Variants in E2F2 observed in about 807,000 individuals in gnomAD.
The protein encoded by E2F2 is E2F transcription factor 2.
E2F2 carries 22 observed loss-of-function variants against 42.2 expected under a neutral mutation model. That is an observed-to-expected ratio of 0.52 (90% CI 0.37 to 0.74). The LOEUF (loss-of-function observed/expected upper bound fraction) is 0.74. Ranked by LOEUF, E2F2 falls within the 30% of genes least tolerant of loss-of-function variation. The pLI is 0.00. For missense variants in E2F2, 481 were observed against 557.8 expected (o/e 0.86, Z 1.39); for synonymous variants, 248 against 251.6 (o/e 0.99, Z 0.13).
Position 23,521,574 on chromosome 1 carries a change from C to T in E2F2, c.578+263G>A, listed in dbSNP as rs1643148290. 3.0e-6 allele frequency: 3 copies of T among 985,218 alleles called. No individual in the cohort carries two copies. The Admixed American group carries it at 1.8e-4, about 61-fold the overall frequency. 61.0% of individuals were successfully genotyped at this position (985,218 alleles called of 1,614,324 possible). ...GAGGTTCCCTTTGGCCTTTACACCT[C>T]CCAGATGTCATTCTCCACTCTGCCC... On this transcript the variant is annotated intron_variant, in intron 3 of 6. Transcript: ENST00000361729.
rs147082429 is a variant in E2F2, at chr1:23,520,645, C to T, written c.737+268G>A. Among the ~76,000 whole-genome samples, 558 of 151,938 alleles carry T rather than the reference C, an allele frequency of 3.7e-3. 2 individuals are homozygous for T. The highest frequency in any genetic ancestry group is 0.012 in the African/African-American group (508 of 41,410). On this transcript the variant is annotated intron_variant, in intron 4 of 6. Transcript: ENST00000361729. ...GTAGTTCCAGCTATTCAGGAGGCTG[C>T]GGTGGGAGGATCACTTGAACCCAGG... is the stretch of plus-strand genomic sequence containing the variant.
At chr1:23,521,159 C>T (rs994735544) in intron 3 of E2F2, 88 bp from the exon 4 acceptor site, 4 of 1,384,574 alleles carry the variant, frequency 2.9e-6, no homozygotes, top group Non-Finnish European at 3.8e-6. Flanking sequence ...GGGTGCTTCC[C>T]TGGGTTGTGG....
At chr1:23,518,162 C>T (rs1176933947) in intron 5 of E2F2, among the ~76,000 whole-genome samples, 2 of 150,722 alleles carry the variant, frequency 1.3e-5, no homozygotes, top group Admixed American at 1.3e-4. Context: ...CAGAGCAAGA[C>T]GCTGTCTTAA....
downstream of E2F2, chr1:23,506,391 T>C (rs1176521403): frequency 2.0e-5 from 3 of 152,330 alleles, no homozygotes; most frequent in Non-Finnish European, 4.4e-5. Context: ...AGATCCACAG[T>C]TGGTAATGAG....
downstream of E2F2, among the ~76,000 whole-genome samples, chr1:23,505,411 C>G (rs1400012882): frequency 6.6e-6 from 1 of 152,324 alleles, no homozygotes; most frequent in African/African-American, 2.4e-5. Flanking sequence ...AGAAGGCATG[C>G]ATTCTCAAAC....
chr1:23,523,146 C>G (rs1028764674), intron 2 of E2F2, among the ~76,000 whole-genome samples: 1 of 145,050 alleles, frequency 6.9e-6, no homozygotes, highest in Non-Finnish European at 1.5e-5. Context: ...AACTCCTGCT[C>G]TAACCAGGAT....
intron 2 of E2F2, 132 bp from the exon 3 acceptor site, chr1:23,522,188 G>C: frequency 1.3e-6 from 1 of 782,086 alleles, no homozygotes; most frequent in Non-Finnish European, 2.0e-6. Flanking sequence ...GTGTGAGCCA[G>C]GGCATCCATC....
intron 5 of E2F2, among the ~76,000 whole-genome samples, chr1:23,517,856 C>G (rs949137738): frequency 6.6e-6 from 1 of 152,040 alleles, no homozygotes; most frequent in Admixed American, 6.6e-5. Context: ...CATTTCAGCT[C>G]GAGGGGAAGA....
chr1:23,514,660 T>A (rs1235712366), intron 6 of E2F2, among the ~76,000 whole-genome samples: 2 of 121,526 alleles, frequency 1.6e-5, no homozygotes, highest in Non-Finnish European at 3.4e-5. Context: ...AAACCCTGTC[T>A]CTACTAAAAA....
At chr1:23,525,144 GACA>G (rs1643228595) in intron 1 of E2F2, among the ~76,000 whole-genome samples, 2 of 152,178 alleles carry the variant, frequency 1.3e-5, no homozygotes, top group Admixed American at 6.5e-5. Flanking sequence ...GAGAGGGGCA[GACA>G]ATGAATCCTT....
At chr1:23,524,109 A>C (rs1269224235) in intron 2 of E2F2, among the ~76,000 whole-genome samples, 4 of 151,560 alleles carry the variant, frequency 2.6e-5, no homozygotes, top group South Asian at 2.1e-4. Flanking sequence ...AACAACAAAA[A>C]AAAACACAGA....
In E2F2 at chr1:23,506,856, G is replaced by A. The variant is rs1205997495; in HGVS notation, c.*3024C>T. On this transcript the variant is annotated 3_prime_UTR_variant, in exon 7 of 7. Transcript: ENST00000361729. The stretch of plus-strand genomic sequence containing the variant: ...TGCAGAATGGAGGTTGAGAACACTT[G>A]GGGAGGGAGAACAAAGTCAGAACCA... 1 of 152,296 alleles carries A rather than the reference G, an allele frequency of 6.6e-6. No homozygotes were observed. Among genetic ancestry groups the A allele is most frequent in the East Asian group, 1.9e-4 (1 of 5,208 alleles). 9.4% of individuals were successfully genotyped at this position (152,296 alleles called of 1,614,324 possible).
chr1:23,515,805 G>A (rs2148694448), intron 6 of E2F2, among the ~76,000 whole-genome samples: 1 of 152,298 alleles, frequency 6.6e-6, no homozygotes, highest in Middle Eastern at 3.4e-3. Flanking sequence ...TGGCTCAAGT[G>A]TTCCTCCCAC....
At chr1:23,518,965 C>G in intron 5 of E2F2, 51 bp downstream of exon 5, 1 of 1,497,040 alleles carries the variant, frequency 6.7e-7, no homozygotes, top group Non-Finnish European at 9.3e-7. Flanking sequence ...GCCTGGAACG[C>G]TCCCTGGCAG....
At chr1:23,521,502 G>C (rs1475894428) in intron 3 of E2F2, 10 of 978,902 alleles carry the variant, frequency 1.0e-5, no homozygotes, top group South Asian at 4.7e-5. Context: ...ACTGCCCTAA[G>C]CTAGAAGAAG....
At chr1:23,525,921 G>C (rs940880070) in intron 1 of E2F2, among the ~76,000 whole-genome samples, 1 of 152,150 alleles carries the variant, frequency 6.6e-6, no homozygotes, top group Admixed American at 6.5e-5. Context: ...ATGCTCAGCA[G>C]GGCTGAGACT....
At chr1:23,518,794 C>A (rs927846731) in intron 5 of E2F2, among the ~76,000 whole-genome samples, 3 of 152,108 alleles carry the variant, frequency 2.0e-5, no homozygotes, top group African/African-American at 7.2e-5. Context: ...AGAAAGAAAC[C>A]AGGAACAGAG....
chr1:23,510,721 C>T (rs1304069727), intron 6 of E2F2, among the ~76,000 whole-genome samples: 12 of 152,148 alleles, frequency 7.9e-5, no homozygotes, highest in Admixed American at 7.9e-4. Context: ...TGTGATTCCA[C>T]TTACATTAGA....
Position 23,530,212 on chromosome 1 carries a change from A to G in E2F2, c.252+330T>C, listed in dbSNP as rs1643314971. Among the ~76,000 whole-genome samples the G allele has an allele frequency of 6.6e-6, 1 of 152,240 alleles. No homozygotes were observed. Among genetic ancestry groups the G allele is most frequent in the Admixed American group, 6.5e-5 (1 of 15,286 alleles). ...GTACTGGTTTCTGGCCAAACAATGA[A>G]GTAATGAATGAATGGCGGCAACGCT... On this transcript the variant is annotated intron_variant, in intron 1 of 6. Coordinates refer to ENST00000361729, the MANE Select transcript of E2F2 (RefSeq NM_004091.4). This position sits in a 1 kb window ranked among gnomAD's most constrained non-coding sequence, Gnocchi z 4.4.
Sources: gnomAD v4.1 joint callset for allele counts (sites outside exome capture counted in the v4.1 genomes callset) on GRCh38, gnomAD v4.1.1 for gene constraint, Gnocchi (gnomAD v3.1) non-coding constraint, MANE v1.5 for transcripts, NCBI Gene and HGNC (gene_info 2026-07-23, HGNC 2026-07-21) for gene names.